Variants in RP1 observed in about 807,000 individuals in gnomAD.
The protein encoded by RP1 is oxygen-regulated protein 1.
A neutral mutation model predicts 14.8 loss-of-function variants in RP1; 16 were observed. The ratio of observed to expected loss-of-function variants is 1.08; its 90% CI spans 0.73 to 1.65. The LOEUF is 1.65. Ranked by LOEUF, RP1 falls within the 40% of genes most tolerant of loss-of-function variation. The pLI, the probability that RP1 is intolerant of heterozygous loss-of-function variation, is 0.00. For synonymous variants in RP1, 876 were observed against 883.6 expected, an observed-to-expected ratio of 0.99 and a Z score of 0.15; for missense variants, 2,631 against 2,535.0, an observed-to-expected ratio of 1.04 and a Z score of -0.81.
chr8:54,635,272 A>G (rs991513175), downstream of RP1, among the ~76,000 whole-genome samples: 16 of 152,198 alleles, frequency 1.1e-4, no homozygotes, highest in African/African-American at 3.9e-4. Flanking sequence ...TCAATGGAGT[A>G]GAAATCATTT....
At chr8:54,591,518 CT>C (rs1456614102) in intron 1 of RP1, among the ~76,000 whole-genome samples, 1 of 152,074 alleles carries the variant, frequency 6.6e-6, no homozygotes, top group Non-Finnish European at 1.5e-5. Context: ...ACTGAGTGGC[CT>C]TATCACCTCT....
chr8:54,752,346 C>A (rs755984287), intron 19 of RP1, among the ~76,000 whole-genome samples: 2 of 151,998 alleles, frequency 1.3e-5, no homozygotes, highest in Non-Finnish European at 2.9e-5. Flanking sequence ...TGATAGCAGT[C>A]GTAGTTATGG....
chr8:54,817,475 C>T (rs1346220949), intron 24 of RP1, among the ~76,000 whole-genome samples: 1 of 151,866 alleles, frequency 6.6e-6, no homozygotes, highest in Non-Finnish European at 1.5e-5. Context: ...TAGCTGTTGG[C>T]AATGGTGACA....
chr8:54,620,498 T>C (rs1351323597), intron 1 of RP1, among the ~76,000 whole-genome samples: 2 of 151,132 alleles, frequency 1.3e-5, no homozygotes, highest in East Asian at 3.9e-4. Flanking sequence ...CACCTAACAA[T>C]GCATTTCTCA....
At chr8:54,763,460 A>C (rs1809689984) in intron 22 of RP1, among the ~76,000 whole-genome samples, 1 of 152,206 alleles carries the variant, frequency 6.6e-6, no homozygotes, top group African/African-American at 2.4e-5. Flanking sequence ...GCAGAAATCA[A>C]TCAGTTAAAT....
chr8:54,696,616 A>G, intron 12 of RP1: 1 of 806,990 alleles, frequency 1.2e-6, no homozygotes, highest in Non-Finnish European at 2.0e-6. Context: ...GATGACCAGA[A>G]GTGAAACCTC....
At chr8:54,679,994 T>C in intron 12 of RP1, 1 of 1,493,096 alleles carries the variant, frequency 6.7e-7, no homozygotes, top group Non-Finnish European at 8.9e-7. Context: ...GGAAGGTAGA[T>C]TTCTAGACAC....
rs140887806 is a variant in RP1 at position 54,762,665 on chromosome 8, C to T, written c.3248+3589C>T. 1.7e-3 allele frequency among the ~76,000 whole-genome samples: 256 copies of T among 152,238 alleles called. 1 individual carries two copies. Among genetic ancestry groups the T allele is most frequent in the African/African-American group, 4.6e-3 (192 of 41,520 alleles). ...ATTTATATTAGCTTCCTGTGGCTGC[C>T]GTAACAAATTGCCACAGATTTGATT... On this transcript the variant is annotated intron_variant, in intron 22 of 22. Coordinates refer to the RP1 transcript ENST00000636932.
intron 12 of RP1, among the ~76,000 whole-genome samples, chr8:54,686,967 C>A (rs537196694): frequency 6.6e-6 from 1 of 151,960 alleles, no homozygotes; most frequent in East Asian, 1.9e-4. Context: ...AGATTATCTC[C>A]GTATTGATTT....
chr8:54,571,017 ACATCC>A (rs1003424611), intron 1 of RP1, among the ~76,000 whole-genome samples: 1 of 152,178 alleles, frequency 6.6e-6, no homozygotes, highest in Non-Finnish European at 1.5e-5. Flanking sequence ...GGCCGTCATC[ACATCC>A]CACAGGACAC....
intron 3 of RP1, among the ~76,000 whole-genome samples, chr8:54,641,211 C>T (rs990491561): frequency 1.3e-5 from 2 of 152,140 alleles, no homozygotes; most frequent in African/African-American, 4.8e-5. Flanking sequence ...TCCTGAAGTG[C>T]TGGGATTACA....
chr8:54,764,586 T>C (rs933909634), intron 22 of RP1, among the ~76,000 whole-genome samples: 6 of 152,232 alleles, frequency 3.9e-5, no homozygotes, highest in Non-Finnish European at 8.8e-5. Context: ...ACTCCTCTAG[T>C]TCAGTACACT....
chr8:54,791,142 G>A (rs902865820), intron 24 of RP1, among the ~76,000 whole-genome samples: 1 of 152,154 alleles, frequency 6.6e-6, no homozygotes, highest in African/African-American at 2.4e-5. Context: ...GCCTCCACAA[G>A]ACTGTCAGTG....
chr8:54,688,945 C>T (rs1807637912), intron 12 of RP1, among the ~76,000 whole-genome samples: 1 of 152,160 alleles, frequency 6.6e-6, no homozygotes, highest in Non-Finnish European at 1.5e-5. Flanking sequence ...TATCCATGAG[C>T]ATGGAATGTT....
At position 54,835,651 on chromosome 8, in the gene RP1, G is replaced by A. The variant is rs140010187; in HGVS notation, c.3616-1799G>A. Among the ~76,000 whole-genome samples the A allele has an allele frequency of 9.2e-5, 14 of 152,210 alleles. No homozygotes were observed. The East Asian group carries it at 2.7e-3, about 29-fold the overall frequency. On this transcript the variant is annotated intron_variant, in intron 24 of 28. Coordinates refer to the RP1 transcript ENST00000637698. ...GACTTCTATCATACTTTGTAAGATT[G>A]GTACTATTGTAGTATTCAGATGGGG...
intron 19 of RP1, among the ~76,000 whole-genome samples, chr8:54,740,782 G>A (rs1047962871): frequency 6.6e-5 from 10 of 151,834 alleles, no homozygotes; most frequent in Non-Finnish European, 1.0e-4. Flanking sequence ...GGTGGATCAT[G>A]CCTGTCATCT....
At chr8:54,856,990 A>G in intron 26 of RP1, 1 of 665,936 alleles carries the variant, frequency 1.5e-6, no homozygotes, top group Non-Finnish European at 2.1e-6. Flanking sequence ...GAAAGGAAAT[A>G]TCCTAATGGT....
Position 54,579,258 on chromosome 8 carries a change from G to A in RP1, c.-13+19938G>A, listed in dbSNP as rs572828548. ...CAAATCAGTAGCAACAGACAGCCTC[G>A]TTTAATGATTCTTAACATTTCCCTC... is the stretch of plus-strand genomic sequence containing the variant. On this transcript the variant is annotated intron_variant, in intron 1 of 22. Coordinates refer to the RP1 transcript ENST00000636932. 1.1e-4 allele frequency among the ~76,000 whole-genome samples: 16 copies of A among 152,270 alleles called. No individual in the cohort carries two copies. In the South Asian group the frequency reaches 2.1e-3, roughly 20 times the overall value.
intron 27 of RP1, among the ~76,000 whole-genome samples, chr8:54,859,041 G>C (rs1335960208): frequency 6.6e-6 from 1 of 151,890 alleles, no homozygotes; most frequent in Admixed American, 6.6e-5. Flanking sequence ...TTGTAAAGCA[G>C]TGTCACCATA....
Sources: gnomAD v4.1 joint callset for allele counts (sites outside exome capture counted in the v4.1 genomes callset) on GRCh38, gnomAD v4.1.1 for gene constraint, MANE v1.5 for transcripts, NCBI Gene and HGNC (gene_info 2026-07-23, HGNC 2026-07-21) for gene names.